MTUS2: variants seen among roughly 807,000 people sequenced by gnomAD.
MTUS2 encodes microtubule associated scaffold protein 2, also known as microtubule-associated tumor suppressor candidate 2.
A neutral mutation model predicts 114.1 loss-of-function variants in MTUS2; 40 were observed. The observed-to-expected ratio is 0.35, with a 90% CI of 0.27 to 0.46. The LOEUF (loss-of-function observed/expected upper bound fraction) is 0.46, where lower values mean the gene tolerates loss of function less well. MTUS2 is among the 20% of genes least tolerant of loss of function. The pLI, the probability that MTUS2 is intolerant of heterozygous loss-of-function variation, is 1.00. For missense variants in MTUS2, 1,679 were observed against 1,705.4 expected, an observed-to-expected ratio of 0.98 and a Z score of 0.27; for synonymous variants, 688 against 672.0, an observed-to-expected ratio of 1.02 and a Z score of -0.37.
chr13:29,438,930 A>G (rs1877621871), intron 8 of MTUS2, among the ~76,000 whole-genome samples: 2 of 152,166 alleles, frequency 1.3e-5, no homozygotes, highest in Non-Finnish European at 2.9e-5. Flanking sequence ...ACAGCACACC[A>G]GAAACAATAT....
intron 4 of MTUS2, among the ~76,000 whole-genome samples, chr13:29,082,880 G>T (rs1181613600): frequency 6.6e-6 from 1 of 152,180 alleles, no homozygotes; most frequent in Non-Finnish European, 1.5e-5. Context: ...ACTCCAGGAA[G>T]CATGAGAGGA....
At chr13:29,329,033 T>G (rs1900648453) in intron 7 of MTUS2, among the ~76,000 whole-genome samples, 1 of 152,188 alleles carries the variant, frequency 6.6e-6, no homozygotes, top group South Asian at 2.1e-4. Context: ...AAGAAGGTCA[T>G]AGTCCTCACA....
chr13:29,310,340 G>C (rs554919056), intron 6 of MTUS2, among the ~76,000 whole-genome samples: 1 of 152,182 alleles, frequency 6.6e-6, no homozygotes, highest in African/African-American at 2.4e-5. Context: ...TCTTCATTGT[G>C]TCTTTTACCT....
At chr13:29,002,058 C>T (rs150468648) in intron 2 of MTUS2, among the ~76,000 whole-genome samples, 2 of 152,262 alleles carry the variant, frequency 1.3e-5, no homozygotes, top group East Asian at 1.9e-4. Context: ...TTTTTAAGAC[C>T]CATCTTGAAC....
At chr13:28,999,316 C>A (rs1885273823) in intron 2 of MTUS2, among the ~76,000 whole-genome samples, 1 of 152,134 alleles carries the variant, frequency 6.6e-6, no homozygotes, top group East Asian at 1.9e-4. Flanking sequence ...GGGTTCCTCC[C>A]AGTTAGGCTA....
chr13:29,000,807 T>C (rs1885351106), intron 2 of MTUS2, among the ~76,000 whole-genome samples: 1 of 152,206 alleles, frequency 6.6e-6, no homozygotes, highest in African/African-American at 2.4e-5. Flanking sequence ...ATATTTTTAC[T>C]CTCCTTTCCG....
chr13:29,326,775 G>A (rs1382892182), intron 7 of MTUS2, among the ~76,000 whole-genome samples: 1 of 152,130 alleles, frequency 6.6e-6, no homozygotes. Context: ...GAGGTCAGGA[G>A]TTCGACACCA....
intron 2 of MTUS2, among the ~76,000 whole-genome samples, chr13:28,935,317 T>C (rs897309612): frequency 3.3e-5 from 5 of 152,164 alleles, no homozygotes; most frequent in East Asian, 1.9e-4. Flanking sequence ...AGTCATAGGA[T>C]GTACATATGT....
At chr13:29,213,375 C>G (rs767803903) in intron 5 of MTUS2, among the ~76,000 whole-genome samples, 18 of 152,152 alleles carry the variant, frequency 1.2e-4, no homozygotes, top group Admixed American at 2.6e-4. Context: ...ATAGCATTGT[C>G]AAGTATTCTA....
At chr13:29,174,224 G>A (rs1487005166) in intron 5 of MTUS2, among the ~76,000 whole-genome samples, 2 of 152,070 alleles carry the variant, frequency 1.3e-5, no homozygotes, top group African/African-American at 4.8e-5. Context: ...TTTGCGTAAG[G>A]TGGCATATTG....
intron 2 of MTUS2, among the ~76,000 whole-genome samples, chr13:28,919,095 GAGTAGTTTACAC>G (rs1412875280): frequency 2.6e-5 from 4 of 152,104 alleles, no homozygotes; most frequent in African/African-American, 2.4e-5. Flanking sequence ...CTTAAGGTAA[GAGTAGTTTACAC>G]AGCACACTTA....
At chr13:28,909,511 G>T (rs929513762) in intron 2 of MTUS2, among the ~76,000 whole-genome samples, 1 of 152,064 alleles carries the variant, frequency 6.6e-6, no homozygotes. Context: ...AATAAATTAG[G>T]TATTTATGGG....
At chr13:29,151,063 T>G (rs1892646268) in intron 5 of MTUS2, among the ~76,000 whole-genome samples, 1 of 152,216 alleles carries the variant, frequency 6.6e-6, no homozygotes, top group Non-Finnish European at 1.5e-5. Context: ...AATAGTTTTT[T>G]TCTAATTCTG....
chr13:28,873,344 T>G (rs1593261428), intron 2 of MTUS2, among the ~76,000 whole-genome samples: 1 of 152,344 alleles, frequency 6.6e-6, no homozygotes, highest in East Asian at 1.9e-4. Context: ...TCTCATCATT[T>G]AGATAGAAGC....
chr13:29,498,640 C>A, intron 14 of MTUS2, 103 bp downstream of exon 14: 2 of 1,465,866 alleles, frequency 1.4e-6, no homozygotes, highest in Non-Finnish European at 1.9e-6. Flanking sequence ...CCCTTACCTG[C>A]CCATTGCTTA....
At chr13:29,283,131 T>A (rs1287093618) in intron 6 of MTUS2, among the ~76,000 whole-genome samples, 2 of 152,212 alleles carry the variant, frequency 1.3e-5, no homozygotes, top group Non-Finnish European at 2.9e-5. Flanking sequence ...ATAGGTGTTA[T>A]CCCTTTCTAG....
intron 5 of MTUS2, among the ~76,000 whole-genome samples, chr13:29,148,571 C>T (rs9551605): frequency 0.24 from 27,451 of 112,288 alleles, 8,420 homozygotes; most frequent in African/African-American, 0.53. Context: ...CTCCGCCTCC[C>T]GGGTTCACGC....
At chr13:28,916,800 C>G (rs373105217) in intron 2 of MTUS2, among the ~76,000 whole-genome samples, 4 of 151,814 alleles carry the variant, frequency 2.6e-5, no homozygotes, top group Admixed American at 2.6e-4. Context: ...ACTTCCAGTA[C>G]TATCCTGAGT....
intron 9 of MTUS2, among the ~76,000 whole-genome samples, chr13:29,444,380 G>A (rs1404680613): frequency 1.3e-5 from 2 of 152,188 alleles, no homozygotes; most frequent in African/African-American, 4.8e-5. Context: ...ACAGTGAGCC[G>A]AGATTGCGCC....
Sources: gnomAD v4.1 joint callset for allele counts (sites outside exome capture counted in the v4.1 genomes callset) on GRCh38, gnomAD v4.1.1 for gene constraint, MANE v1.5 for transcripts, NCBI Gene and HGNC (gene_info 2026-07-23, HGNC 2026-07-21) for gene names.